Variants in OLFM2 observed in about 807,000 individuals in gnomAD.
The protein encoded by OLFM2 is noelin-2.
In OLFM2, 20 loss-of-function variants were observed where a neutral mutation model predicts 43.9. The ratio of observed to expected loss-of-function variants is 0.46; its 90% CI spans 0.32 to 0.66. The LOEUF is 0.66. Ranked by LOEUF, OLFM2 falls within the 30% of genes least tolerant of loss-of-function variation. The pLI, the probability that OLFM2 is intolerant of heterozygous loss-of-function variation, is 0.04. For missense variants in OLFM2, 416 were observed against 643.6 expected (o/e 0.65, Z 3.83); for synonymous variants, 268 against 278.6 (o/e 0.96, Z 0.38).
At chr19:9,919,548 T>C (rs1017086829) in intron 1 of OLFM2, among the ~76,000 whole-genome samples, 1 of 151,726 alleles carries the variant, frequency 6.6e-6, no homozygotes, top group Non-Finnish European at 1.5e-5. Context: ...AGTGGCCTGA[T>C]CTTGGCTCAC....
chr19:9,853,788 C>G lies in OLFM2; in HGVS notation c.*398G>C. 2.3e-6 allele frequency: 1 copy of G among 441,424 alleles called. No homozygotes were observed. Among genetic ancestry groups the G allele is most frequent in the Non-Finnish European group, 3.9e-6 (1 of 256,868 alleles). The allele number at this position is 441,424 out of a possible 1,614,324, so 27.3% of individuals were successfully genotyped here. On this transcript the variant is annotated 3_prime_UTR_variant, in exon 6 of 6. Transcript: ENST00000264833. ...AGTGTAAATAAAAAAAGAAACAGAT[C>G]CATGCACTCAACTCCTGGGGGTGGG...
Position 9,854,754 on chromosome 19 carries a change from C to A in OLFM2, c.797G>T (p.Trp266Leu). 1 of 1,613,752 alleles carries A rather than the reference C, an allele frequency of 6.2e-7. No individual in the cohort carries two copies. Residue 266 changes from tryptophan to leucine, a missense_variant, in exon 6 of 6, where the codon TGG becomes TTG. By Grantham distance (61) the Trp-to-Leu change is moderately conservative (BLOSUM62 -2). Coordinates refer to ENST00000264833, the MANE Select transcript of OLFM2 (RefSeq NM_058164.4). This position sits in a 1 kb window ranked among gnomAD's most constrained non-coding sequence, Gnocchi z 9.5. Reference protein sequence around the residue: ...NFIQHLLPQPWAGTGHVVYNG... With the variant: ...NFIQHLLPQPLAGTGHVVYNG... ...GTACACCACGTGGCCCGTGCCCGCC[C>A]ACGGCTGGGGCAGCAGGTGCTGGAT...
chr19:9,931,879 A>C (rs2086484996), intron 1 of OLFM2, among the ~76,000 whole-genome samples: 1 of 151,886 alleles, frequency 6.6e-6, no homozygotes, highest in African/African-American at 2.4e-5. Context: ...TGAAGAATGG[A>C]TTTTCTTGGT....
chr19:9,897,438 C>T (rs1406803703), intron 1 of OLFM2, among the ~76,000 whole-genome samples: 2 of 152,048 alleles, frequency 1.3e-5, no homozygotes, highest in African/African-American at 4.8e-5. Context: ...GTTGAGGCTG[C>T]CGTGAGCTGG....
chr19:9,871,269 T>TAAA (rs34413780), intron 1 of OLFM2, among the ~76,000 whole-genome samples: 1 of 144,854 alleles, frequency 6.9e-6, no homozygotes, highest in African/African-American at 2.6e-5. Flanking sequence ...AGATCCTGTC[T>TAAA]AAAAAAAAAA....
intron 1 of OLFM2, among the ~76,000 whole-genome samples, chr19:9,865,490 T>TTTC (rs1555724461): frequency 2.3e-5 from 3 of 128,252 alleles, no homozygotes; most frequent in Non-Finnish European, 5.0e-5. Flanking sequence ...TTTTTCTTTT[T>TTTC]TTTTTTTTTT....
intron 2 of OLFM2, among the ~76,000 whole-genome samples, chr19:9,858,998 G>A (rs116565994): frequency 6.6e-6 from 1 of 151,882 alleles, no homozygotes; most frequent in African/African-American, 2.4e-5. Context: ...ACCTGGCTAA[G>A]GTAGACTCTC....
At chr19:9,928,555 A>C (rs746623952) in intron 1 of OLFM2, among the ~76,000 whole-genome samples, 1 of 152,258 alleles carries the variant, frequency 6.6e-6, no homozygotes, top group African/African-American at 2.4e-5. Context: ...CTGTAATCCC[A>C]GCACTGAGGG....
At position 9,856,952 on chromosome 19, in the gene OLFM2, G is replaced by C. The variant is rs1366514747; in HGVS notation, c.581-39C>G. 1.3e-6 allele frequency: 2 copies of C among 1,500,962 alleles called. No individual in the cohort carries two copies. Among genetic ancestry groups the C allele is most frequent in the Admixed American group, 1.9e-5 (1 of 53,106 alleles). 93.0% of individuals were successfully genotyped at this position (1,500,962 alleles called of 1,614,324 possible). A position where few individuals can be genotyped will look rare whatever the true frequency, so the allele number is the denominator to read the frequency against. The stretch of plus-strand genomic sequence containing the variant: ...ACAGGGGGAATGAGGATGGGGAAAT[G>C]AACAGCCCAAGAGAGGCCAGGCAAA... On this transcript the variant is annotated intron_variant, in intron 4 of 5. Transcript: ENST00000264833. The surrounding 1 kb of genome is among the most constrained non-coding windows in gnomAD (Gnocchi z 4.0).
intron 1 of OLFM2, among the ~76,000 whole-genome samples, chr19:9,861,028 C>G (rs945936275): frequency 1.3e-5 from 2 of 152,054 alleles, no homozygotes; most frequent in Non-Finnish European, 2.9e-5. Context: ...GGACTCAAAT[C>G]TTCTCCAAGA....
At chr19:9,861,088 G>A (rs572737499) in intron 1 of OLFM2, among the ~76,000 whole-genome samples, 1 of 151,164 alleles carries the variant, frequency 6.6e-6, no homozygotes, top group East Asian at 1.9e-4. Flanking sequence ...CACTGTCTCT[G>A]TGACTGCCAT....
chr19:9,914,099 C>G (rs977436391), intron 1 of OLFM2, among the ~76,000 whole-genome samples: 39 of 152,016 alleles, frequency 2.6e-4, no homozygotes, highest in African/African-American at 7.5e-4. Context: ...GCCCCCCTCC[C>G]CCTAGGCGGT....
rs190999545 is a variant in OLFM2 at position 9,933,518 on chromosome 19, G to A, written c.63+2786C>T. The stretch of plus-strand genomic sequence containing the variant: ...CTCCCAAAGTGCTGGGATTACAGGC[G>A]TGAGCCTCCATGCCCGACTGCTATC... On this transcript the variant is annotated intron_variant, in intron 1 of 5. Transcript: ENST00000264833. 3.9e-3 allele frequency among the ~76,000 whole-genome samples: 582 copies of A among 149,814 alleles called. 2 individuals are homozygous for A. The highest frequency in any genetic ancestry group is 4.9e-3 in the Non-Finnish European group (332 of 67,720).
chr19:9,885,425 C>T (rs1275235673), intron 1 of OLFM2, among the ~76,000 whole-genome samples: 1 of 152,184 alleles, frequency 6.6e-6, no homozygotes, highest in African/African-American at 2.4e-5. Context: ...TCCTATGACC[C>T]CCCTCGTTAG....
At chr19:9,875,934 T>C (rs1174985496) in intron 1 of OLFM2, among the ~76,000 whole-genome samples, 2 of 152,218 alleles carry the variant, frequency 1.3e-5, no homozygotes, top group South Asian at 2.1e-4. Flanking sequence ...TGGGAATCCC[T>C]TTAGCCATGC....
chr19:9,885,331 T>A (rs762657011), intron 1 of OLFM2, among the ~76,000 whole-genome samples: 2 of 152,160 alleles, frequency 1.3e-5, no homozygotes, highest in Admixed American at 1.3e-4. Flanking sequence ...CAGTGCCAAG[T>A]TGGCCTGGTT....
intron 1 of OLFM2, among the ~76,000 whole-genome samples, chr19:9,934,414 G>T (rs1378079537): frequency 6.6e-6 from 1 of 152,082 alleles, no homozygotes; most frequent in Non-Finnish European, 1.5e-5. Flanking sequence ...CCCAGCCCTG[G>T]GGGCTGTAGG....
At chr19:9,892,659 C>T (rs764702229) in intron 1 of OLFM2, among the ~76,000 whole-genome samples, 1 of 152,148 alleles carries the variant, frequency 6.6e-6, no homozygotes, top group Non-Finnish European at 1.5e-5. Flanking sequence ...CGCCACTGCA[C>T]TCCAGCCTGG....
chr19:9,909,169 C>G (rs1219665375), intron 1 of OLFM2, among the ~76,000 whole-genome samples: 1 of 152,160 alleles, frequency 6.6e-6, no homozygotes, highest in Non-Finnish European at 1.5e-5. Flanking sequence ...CTGCTCAGCT[C>G]CTCCTTATTC....
Sources: gnomAD v4.1 joint callset for allele counts (sites outside exome capture counted in the v4.1 genomes callset) on GRCh38, gnomAD v4.1.1 for gene constraint, Gnocchi (gnomAD v3.1) non-coding constraint, MANE v1.5 for transcripts, NCBI Gene and HGNC (gene_info 2026-07-23, HGNC 2026-07-21) for gene names.